The following MAP4K4 variants were observed in gnomAD, a reference collection of about 807,000 sequenced individuals.
MAP4K4 encodes HPK/GCK-like kinase HGK.
A neutral mutation model predicts 189.6 loss-of-function variants in MAP4K4; 38 were observed. The ratio of observed to expected loss-of-function variants is 0.20; its 90% confidence interval spans 0.15 to 0.26. The LOEUF is 0.26. MAP4K4 is among the 10% of genes least tolerant of loss of function. MAP4K4 has a pLI of 1.00. For missense variants in MAP4K4, 1,054 were observed against 1,726.9 expected (o/e 0.61, Z 6.91); for synonymous variants, 610 against 624.3 (o/e 0.98, Z 0.34).
exon 33 of MAP4K4, chr2:101,891,187 T>C (rs1176265485): frequency 6.2e-7 from 1 of 1,613,828 alleles, no homozygotes; most frequent in Non-Finnish European, 8.5e-7. Flanking sequence ...CTCTGTTCGG[T>C]CTGGTGGCAG....
intron 3 of MAP4K4, among the ~76,000 whole-genome samples, chr2:101,819,423 G>GT (rs1185310367): frequency 6.6e-6 from 1 of 152,146 alleles, no homozygotes; most frequent in Admixed American, 6.5e-5. Flanking sequence ...TATTTCTAGT[G>GT]TTTTTTCCTT....
chr2:101,744,090 G>A (rs944320460), intron 2 of MAP4K4, among the ~76,000 whole-genome samples: 31 of 152,140 alleles, frequency 2.0e-4, no homozygotes, highest in African/African-American at 7.5e-4. Context: ...GAAGATTAGC[G>A]TGAAACTTGT....
In MAP4K4 at chr2:101,839,365, T is replaced by G. The variant is rs74362219; in HGVS notation, c.774-454T>G. On this transcript the variant is annotated intron_variant, in intron 9 of 32. Coordinates refer to ENST00000324219, the Ensembl canonical transcript of MAP4K4. ...CCGGTTGAAATGTCAAATTAACAGGTTCAAGAGACCCAGCATTTCGTCATG... is the reference window on the plus strand; with the variant it reads ...CCGGTTGAAATGTCAAATTAACAGGGTCAAGAGACCCAGCATTTCGTCATG... Among the ~76,000 whole-genome samples the G allele has an allele frequency of 2.2e-4, 33 of 152,282 alleles. No homozygotes were observed. In the East Asian group the frequency reaches 6.4e-3, roughly 29 times the overall value.
intron 29 of MAP4K4, among the ~76,000 whole-genome samples, chr2:101,886,556 C>T (rs1342640347): frequency 1.3e-5 from 2 of 152,124 alleles, no homozygotes; most frequent in East Asian, 3.9e-4. Flanking sequence ...AATGACAGAG[C>T]AGAAATCTTG....
chr2:101,872,452 CA>C (rs2098069556), intron 24 of MAP4K4, among the ~76,000 whole-genome samples: 1 of 152,180 alleles, frequency 6.6e-6, no homozygotes, highest in Non-Finnish European at 1.5e-5. Flanking sequence ...GCTCTTTGAA[CA>C]GGGTTATACT....
intron 2 of MAP4K4, among the ~76,000 whole-genome samples, chr2:101,784,656 G>C (rs1231083287): frequency 6.6e-6 from 1 of 152,098 alleles, no homozygotes; most frequent in Admixed American, 6.6e-5. Flanking sequence ...ATTCCTGTGG[G>C]ATGTTCTTTC....
chr2:101,877,016 A>C (rs750523687), exon 27 of MAP4K4: 1 of 1,613,944 alleles, frequency 6.2e-7, no homozygotes, highest in Admixed American at 1.7e-5. Flanking sequence ...TGAATTTGCT[A>C]GTGGGTACAG....
intron 14 of MAP4K4, among the ~76,000 whole-genome samples, chr2:101,859,377 T>C (rs6543099): frequency 1 from 152,305 of 152,330 alleles, 76,140 homozygotes; most frequent in Middle Eastern, 1. Flanking sequence ...AAAGCACATG[T>C]CACAGGATTT....
chr2:101,878,686 G>A (rs1435397695), intron 27 of MAP4K4, among the ~76,000 whole-genome samples: 1 of 151,954 alleles, frequency 6.6e-6, no homozygotes, highest in Non-Finnish European at 1.5e-5. Flanking sequence ...TTATTCCTTG[G>A]TCAGATGGCA....
intron 2 of MAP4K4, among the ~76,000 whole-genome samples, chr2:101,756,912 A>G (rs769051865): frequency 1.3e-5 from 2 of 152,078 alleles, no homozygotes; most frequent in Non-Finnish European, 2.9e-5. Flanking sequence ...TCACTTATAA[A>G]TAAATTACTC....
intron 28 of MAP4K4, among the ~76,000 whole-genome samples, chr2:101,883,490 G>A (rs71415332): frequency 0.14 from 21,572 of 152,038 alleles, 2,103 homozygotes; most frequent in East Asian, 0.41. Flanking sequence ...TTGCCACCAC[G>A]CCCAGCTAAT....
chr2:101,698,570 G>A (rs2149092085), intron 2 of MAP4K4, 32 bp downstream of exon 2: 1 of 1,606,058 alleles, frequency 6.2e-7, no homozygotes, highest in East Asian at 2.2e-5. Context: ...GTTTCCCGTG[G>A]CATGTGGAAA....
At chr2:101,763,373 C>A (rs1330532869) in intron 2 of MAP4K4, among the ~76,000 whole-genome samples, 2 of 152,082 alleles carry the variant, frequency 1.3e-5, no homozygotes, top group Non-Finnish European at 2.9e-5. Context: ...TAATATATAC[C>A]CACTTTACAA....
chr2:101,825,167 C>G (rs757850836), intron 4 of MAP4K4, among the ~76,000 whole-genome samples, 152 bp from the exon 5 acceptor site: 1 of 152,142 alleles, frequency 6.6e-6, no homozygotes, highest in Non-Finnish European at 1.5e-5. Flanking sequence ...ATGAAATGAG[C>G]TTTCAGTTAT....
intron 3 of MAP4K4, among the ~76,000 whole-genome samples, chr2:101,817,970 C>T (rs975252202): frequency 6.6e-6 from 1 of 152,032 alleles, no homozygotes; most frequent in Non-Finnish European, 1.5e-5. Flanking sequence ...GTTCTGGAAT[C>T]TTTCCTGTGT....
chr2:101,726,307 G>A (rs1228197118), intron 2 of MAP4K4, among the ~76,000 whole-genome samples: 1 of 152,164 alleles, frequency 6.6e-6, no homozygotes, highest in Non-Finnish European at 1.5e-5. Context: ...CTGAATTAAG[G>A]TGGATTTAAA....
rs57392183 is a variant in MAP4K4 at position 101,755,929 on chromosome 2, CTTTTTTTTTTTTTTTT to C, written c.124-34777_124-34762del. Among the ~76,000 whole-genome samples the C allele has an allele frequency of 1.8e-3, 103 of 57,798 alleles. 1 individual carries two copies. Among genetic ancestry groups the C allele is most frequent in the Admixed American group, 6.5e-3 (27 of 4,150 alleles). The allele number at this position is 57,798 out of a possible 152,430, so 37.9% of individuals were successfully genotyped here. On this transcript the variant is annotated intron_variant, in intron 2 of 32. Coordinates refer to ENST00000324219, the Ensembl canonical transcript of MAP4K4. ...TTTATTTATAGTATGAGTTCTTTTT[CTTTTTTTTTTTTTTTT>C]TTTTTTTTTTTTTGAGACAGCGTCT...
chr2:101,864,087 T>C (rs1203169036), intron 17 of MAP4K4, 36 bp downstream of exon 17: 2 of 1,181,980 alleles, frequency 1.7e-6, no homozygotes, highest in Non-Finnish European at 2.2e-6. Flanking sequence ...GCTGCTTTTT[T>C]CCTTTTTGTT....
exon 22 of MAP4K4, chr2:101,869,675 T>C: frequency 6.2e-7 from 1 of 1,608,724 alleles, no homozygotes; most frequent in Non-Finnish European, 8.5e-7. Context: ...TACGGCCACC[T>C]CACAAAGTAA....
Sources: allele counts gnomAD v4.1 joint callset (sites outside exome capture counted in the v4.1 genomes callset), GRCh38; gene constraint gnomAD v4.1.1; transcripts MANE v1.5; gene names NCBI Gene and HGNC (gene_info 2026-07-23, HGNC 2026-07-21).